The following ATG13 variants were observed in gnomAD, a reference collection of about 807,000 sequenced individuals.
ATG13 encodes the protein autophagy-related protein 13.
A neutral mutation model predicts 65.5 loss-of-function variants in ATG13; 23 were observed. The observed-to-expected ratio is 0.35, with a 90% CI of 0.25 to 0.50. The LOEUF (loss-of-function observed/expected upper bound fraction) is 0.50. Ranked by LOEUF, ATG13 falls within the 20% of genes least tolerant of loss-of-function variation. ATG13 has a pLI of 0.98. For missense variants in ATG13, 566 were observed against 677.0 expected, an observed-to-expected ratio of 0.84 and a Z score of 1.82; for synonymous variants, 252 against 245.2, an observed-to-expected ratio of 1.03 and a Z score of -0.26.
intron 11 of ATG13, 153 bp downstream of exon 11, chr11:46,659,638 C>T (rs2060751740): frequency 1.2e-5 from 7 of 581,044 alleles, no homozygotes; most frequent in Admixed American, 6.4e-5. Flanking sequence ...GCCTTCTTGT[C>T]CAGAAGATAG....
intron 11 of ATG13, among the ~76,000 whole-genome samples, chr11:46,660,994 G>GCCC (rs2061066067): frequency 6.6e-6 from 1 of 151,892 alleles, no homozygotes; most frequent in Non-Finnish European, 1.5e-5. Context: ...ACAGGCTTGA[G>GCCC]CCCCCACACC....
chr11:46,668,456 C>T lies in ATG13; in HGVS notation c.1252-43C>T, dbSNP rs774988606. 2.5e-6 allele frequency: 4 copies of T among 1,583,938 alleles called. No individual in the cohort carries two copies. In the South Asian group the frequency reaches 3.3e-5, roughly 13 times the overall value. On this transcript the variant is annotated intron_variant, in intron 15 of 18. Transcript: ENST00000683050. ...AACCAGGAAGGAAGCATGAACACTG[C>T]AGGAGGGGCAGGCATGAATGCTTTT...
intron 2 of ATG13, among the ~76,000 whole-genome samples, chr11:46,630,592 G>T (rs1421329787): frequency 1.1e-4 from 14 of 128,374 alleles, no homozygotes; most frequent in Admixed American, 1.6e-4. Flanking sequence ...TTTTGAGACA[G>T]GGTCTCCCTC....
At chr11:46,639,677 T>G (rs1193375245) in intron 2 of ATG13, among the ~76,000 whole-genome samples, 19 of 151,960 alleles carry the variant, frequency 1.3e-4, no homozygotes, top group Admixed American at 1.2e-3. Flanking sequence ...AGTTTCAATT[T>G]AAGAGTTTGA....
chr11:46,654,463 G>A (rs1425943900), intron 7 of ATG13, among the ~76,000 whole-genome samples: 1 of 151,532 alleles, frequency 6.6e-6, no homozygotes, highest in Non-Finnish European at 1.5e-5. Context: ...GCTCACACCT[G>A]TAATCCCAGC....
chr11:46,647,186 C>T (rs2057782684), intron 5 of ATG13, among the ~76,000 whole-genome samples: 1 of 151,444 alleles, frequency 6.6e-6, no homozygotes, highest in African/African-American at 2.4e-5. Context: ...GCAGTCTTAA[C>T]TTAGACTTCA....
At chr11:46,635,538 G>A (rs1233729613) in intron 2 of ATG13, among the ~76,000 whole-genome samples, 2 of 152,096 alleles carry the variant, frequency 1.3e-5, no homozygotes, top group Non-Finnish European at 2.9e-5. Context: ...TAATAGCAAA[G>A]GGCAGAAAAA....
intron 1 of ATG13, among the ~76,000 whole-genome samples, chr11:46,620,507 T>G (rs1186218161): frequency 6.6e-6 from 1 of 151,784 alleles, no homozygotes; most frequent in Non-Finnish European, 1.5e-5. Flanking sequence ...TGGGCGCGGT[T>G]GCTCACACCT....
intron 2 of ATG13, among the ~76,000 whole-genome samples, chr11:46,630,566 G>A (rs1031384370): frequency 1.9e-5 from 2 of 104,862 alleles, no homozygotes; most frequent in Admixed American, 1.6e-4. Context: ...AGAAATTAGA[G>A]GCTTTTTTTT....
At chr11:46,633,838 A>G (rs1287669476) in intron 2 of ATG13, among the ~76,000 whole-genome samples, 1 of 152,150 alleles carries the variant, frequency 6.6e-6, no homozygotes, top group Non-Finnish European at 1.5e-5. Flanking sequence ...TGCTATATAA[A>G]CAGTCTCTTT....
chr11:46,650,511 A>T (rs1010571389), intron 7 of ATG13, among the ~76,000 whole-genome samples, 194 bp downstream of exon 7: 9 of 152,302 alleles, frequency 5.9e-5, no homozygotes, highest in Admixed American at 5.9e-4. Context: ...CAGGTTTATT[A>T]TCCTTTTCTA....
chr11:46,664,488 G>T (rs924329041), intron 12 of ATG13, among the ~76,000 whole-genome samples: 1 of 152,182 alleles, frequency 6.6e-6, no homozygotes, highest in Non-Finnish European at 1.5e-5. Flanking sequence ...AATGACTTTG[G>T]AGAACCTGGT....
intron 2 of ATG13, among the ~76,000 whole-genome samples, chr11:46,634,552 A>G (rs1168198532): frequency 6.6e-6 from 1 of 151,134 alleles, no homozygotes; most frequent in Non-Finnish European, 1.5e-5. Flanking sequence ...GCACCAACAC[A>G]CCCAGCTAAT....
At chr11:46,647,625 G>A (rs1206947846) in intron 5 of ATG13, among the ~76,000 whole-genome samples, 3 of 151,834 alleles carry the variant, frequency 2.0e-5, no homozygotes, top group African/African-American at 7.3e-5. Flanking sequence ...AGGCTGGAGT[G>A]CAGTGGCGCA....
At position 46,672,867 on chromosome 11, in the gene ATG13, C is replaced by G. The variant is rs146615340; in HGVS notation, c.*535C>G. On this transcript the variant is annotated 3_prime_UTR_variant, in exon 19 of 19. Transcript: ENST00000683050. ...CCTGCTATCTTCTTCTCCTCTTCTT[C>G]TCTCTCTTGCCTCTATGCCTGTATT... The G allele has an allele frequency of 1.8e-6, 2 of 1,137,930 alleles. No individual in the cohort carries two copies. Among genetic ancestry groups the G allele is most frequent in the South Asian group, 3.0e-5 (2 of 66,576 alleles). 70.5% of individuals were successfully genotyped at this position (1,137,930 alleles called of 1,614,324 possible).
At chr11:46,646,134 C>G in intron 5 of ATG13, 145 bp downstream of exon 5, 3 of 1,207,288 alleles carry the variant, frequency 2.5e-6, no homozygotes, top group Non-Finnish European at 3.3e-6. Flanking sequence ...TTTTTTTGTT[C>G]TTTTTTGTTT....
chr11:46,629,486 T>C (rs780668964), intron 1 of ATG13, among the ~76,000 whole-genome samples: 14 of 152,238 alleles, frequency 9.2e-5, no homozygotes, highest in Admixed American at 8.5e-4. Flanking sequence ...AACCTCTGCC[T>C]CCTGAGTTGA....
chr11:46,634,205 C>T (rs2053061462), intron 2 of ATG13, among the ~76,000 whole-genome samples: 1 of 151,554 alleles, frequency 6.6e-6, no homozygotes. Context: ...AAGAGATTCT[C>T]CTGTCTCAGC....
At position 46,646,009 on chromosome 11, in the gene ATG13, G is replaced by A; in HGVS notation, c.270+20G>A. On this transcript the variant is annotated intron_variant, in intron 5 of 18. Transcript: ENST00000683050. The stretch of plus-strand genomic sequence containing the variant: ...TCTGAGGTAAGGCTATGGCCAGGTT[G>A]GTGTCTTCATTTAGCACTGAAGGCT... 6.2e-7 allele frequency: 1 copy of A among 1,613,634 alleles called. No homozygotes were observed. Among genetic ancestry groups the A allele is most frequent in the Non-Finnish European group, 8.5e-7 (1 of 1,179,718 alleles).
Sources: gnomAD v4.1 joint callset for allele counts (sites outside exome capture counted in the v4.1 genomes callset) on GRCh38, gnomAD v4.1.1 for gene constraint, MANE v1.5 for transcripts, NCBI Gene and HGNC (gene_info 2026-07-23, HGNC 2026-07-21) for gene names.